Variants in PLCB4 observed in about 807,000 individuals in gnomAD.
PLCB4 encodes phospholipase C beta 4.
In PLCB4, 77 loss-of-function variants were observed where a neutral mutation model predicts 178.8. The observed-to-expected ratio is 0.43, with a 90% confidence interval of 0.36 to 0.52. The LOEUF is 0.52. Ranked by LOEUF, PLCB4 falls within the 20% of genes least tolerant of loss-of-function variation. PLCB4 has a pLI of 0.00. For synonymous variants in PLCB4, 496 were observed against 490.8 expected, an observed-to-expected ratio of 1.01 and a Z score of -0.14; for missense variants, 1,024 against 1,453.4, an observed-to-expected ratio of 0.70 and a Z score of 4.80.
intron 2 of PLCB4, among the ~76,000 whole-genome samples, chr20:9,097,624 G>A (rs2090968329): frequency 6.6e-6 from 1 of 152,128 alleles, no homozygotes; most frequent in Admixed American, 6.6e-5. Context: ...AATTCGTGAT[G>A]CTGATGGCGT....
intron 2 of PLCB4, among the ~76,000 whole-genome samples, chr20:9,194,867 C>G (rs992397860): frequency 3.3e-5 from 5 of 152,086 alleles, no homozygotes; most frequent in Non-Finnish European, 7.4e-5. Context: ...TGTTTGCTTG[C>G]TTAACAGTTA....
chr20:9,220,936 T>C (rs2093790526), intron 3 of PLCB4, among the ~76,000 whole-genome samples: 2 of 152,202 alleles, frequency 1.3e-5, no homozygotes, highest in South Asian at 2.1e-4. Flanking sequence ...GAAGCTCTTA[T>C]CCATGGTACA....
At chr20:9,407,040 C>T (rs2039492452) in intron 21 of PLCB4, among the ~76,000 whole-genome samples, 1 of 152,126 alleles carries the variant, frequency 6.6e-6, no homozygotes, top group African/African-American at 2.4e-5. Context: ...TATTAGGTTA[C>T]TTTTAAGATT....
At chr20:9,446,555 C>G (rs2042424721) in intron 32 of PLCB4, among the ~76,000 whole-genome samples, 1 of 152,142 alleles carries the variant, frequency 6.6e-6, no homozygotes, top group East Asian at 1.9e-4. Context: ...ATTTACTTGC[C>G]TAATATACAC....
In PLCB4 at chr20:9,216,463, C is replaced by T. The variant is rs953673606; in HGVS notation, c.-78-927C>T. ...TGATCTCCTGACCTCGTGATCCGCC[C>T]GCCTCGGCCTCCCAAAGTGCTGGGA... On this transcript the variant is annotated intron_variant, in intron 2 of 39. Coordinates refer to ENST00000378473, the MANE Select transcript of PLCB4 (RefSeq NM_001377142.1). Among the ~76,000 whole-genome samples the T allele has an allele frequency of 6.6e-5, 10 of 151,960 alleles. 1 individual carries two copies. The highest frequency in any genetic ancestry group is 5.9e-4 in the East Asian group (3 of 5,128).
At chr20:9,297,207 T>C (rs1418163900) in intron 3 of PLCB4, among the ~76,000 whole-genome samples, 1 of 152,062 alleles carries the variant, frequency 6.6e-6, no homozygotes, top group Non-Finnish European at 1.5e-5. Context: ...TGATATATCT[T>C]GCATGCTATC....
chr20:9,327,833 G>T (rs1276547123), intron 4 of PLCB4, among the ~76,000 whole-genome samples: 1 of 152,122 alleles, frequency 6.6e-6, no homozygotes, highest in Non-Finnish European at 1.5e-5. Context: ...ACTTAGTTCA[G>T]ACTATGTGTC....
intron 3 of PLCB4, among the ~76,000 whole-genome samples, chr20:9,298,364 CTT>C (rs1568544908): frequency 2.0e-5 from 3 of 152,080 alleles, no homozygotes. Flanking sequence ...GTATGTCTCT[CTT>C]GTTAACCTGT....
chr20:9,238,995 C>G (rs1292391939), intron 3 of PLCB4, among the ~76,000 whole-genome samples: 1 of 152,144 alleles, frequency 6.6e-6, no homozygotes, highest in Non-Finnish European at 1.5e-5. Context: ...TCTTCCAGTA[C>G]TCAGTTGATC....
chr20:9,422,691 C>T (rs1043204337), intron 27 of PLCB4, among the ~76,000 whole-genome samples: 1 of 152,174 alleles, frequency 6.6e-6, no homozygotes, highest in Non-Finnish European at 1.5e-5. Flanking sequence ...GAAGTTAAAT[C>T]GTTTTTTTCA....
At chr20:9,434,800 A>T (rs189938186) in intron 28 of PLCB4, among the ~76,000 whole-genome samples, 1 of 152,332 alleles carries the variant, frequency 6.6e-6, no homozygotes, top group Non-Finnish European at 1.5e-5. Context: ...TGTAATTAGG[A>T]AGGCGATTCT....
At chr20:9,473,191 A>G (rs2044300081) in intron 37 of PLCB4, 88 bp from the exon 38 acceptor site, 1 of 748,460 alleles carries the variant, frequency 1.3e-6, no homozygotes, top group Non-Finnish European at 2.1e-6. Flanking sequence ...TTTCACTTAA[A>G]TTATAAAGTT....
chr20:9,134,265 T>G (rs1421264416), intron 2 of PLCB4, among the ~76,000 whole-genome samples: 2 of 152,202 alleles, frequency 1.3e-5, no homozygotes, highest in East Asian at 3.9e-4. Flanking sequence ...GAAAGTAGAT[T>G]ATAGATCTTC....
chr20:9,377,638 G>A lies in PLCB4; in HGVS notation c.745-2416G>A, dbSNP rs576667426. On this transcript the variant is annotated intron_variant, in intron 12 of 39. Coordinates refer to ENST00000378473, the MANE Select transcript of PLCB4 (RefSeq NM_001377142.1). ...TCTGCACTTCATGCTTATTTGCTGC[G>A]AATGTAATTTTCAGAATAGGGGATT... 5.3e-5 allele frequency among the ~76,000 whole-genome samples: 8 copies of A among 152,258 alleles called. No individual in the cohort carries two copies. In the East Asian group the frequency reaches 5.8e-4, roughly 11 times the overall value.
chr20:9,189,800 C>T (rs554016861), intron 2 of PLCB4, among the ~76,000 whole-genome samples: 1 of 152,212 alleles, frequency 6.6e-6, no homozygotes, highest in East Asian at 1.9e-4. Context: ...AAGGACCTGG[C>T]TAGTTTGCGC....
In PLCB4 at chr20:9,175,399, C is replaced by T. The variant is rs4527287; in HGVS notation, c.-78-41991C>T. Among the ~76,000 whole-genome samples the T allele has an allele frequency of 2.2e-3, 329 of 152,158 alleles. 1 individual carries two copies. Among genetic ancestry groups the T allele is most frequent in the Non-Finnish European group, 3.6e-3 (243 of 67,992 alleles). On this transcript the variant is annotated intron_variant, in intron 2 of 39. Coordinates refer to ENST00000378473, the MANE Select transcript of PLCB4 (RefSeq NM_001377142.1). ...TACATTCTCCAAATATTTTCAGTTC[C>T]GATAAACAGTGCACTAAAGATTCTC...
intron 10 of PLCB4, 33 bp from the exon 11 acceptor site, chr20:9,372,270 C>G: frequency 7.9e-7 from 1 of 1,263,480 alleles, no homozygotes; most frequent in Non-Finnish European, 1.2e-6. Flanking sequence ...AAAAACGGTT[C>G]TGTGATTCAT....
At chr20:9,419,705 T>C (rs1205644136) in intron 25 of PLCB4, 102 bp from the exon 26 acceptor site, 57 of 791,632 alleles carry the variant, frequency 7.2e-5, no homozygotes, top group Non-Finnish European at 8.1e-5. Flanking sequence ...TCCTAGCTCC[T>C]GTGTTACAGA....
At chr20:9,468,475 A>G (rs1439816165) in intron 35 of PLCB4, 96 bp from the exon 36 acceptor site, 29 of 758,168 alleles carry the variant, frequency 3.8e-5, no homozygotes, top group Non-Finnish European at 6.8e-5. Context: ...ACCCACCTCT[A>G]GAACTTTCTC....
Sources: gnomAD v4.1 joint callset for allele counts (sites outside exome capture counted in the v4.1 genomes callset) on GRCh38, gnomAD v4.1.1 for gene constraint, MANE v1.5 for transcripts, NCBI Gene and HGNC (gene_info 2026-07-23, HGNC 2026-07-21) for gene names.